The following DRC8 variants were observed in gnomAD, a reference collection of about 807,000 sequenced individuals.
The protein encoded by DRC8 is dynein regulatory complex subunit 8, also known as dynein regulatory complex protein 8.
the DRC8 span, among the ~76,000 whole-genome samples, chr1:244,978,295 A>C: frequency 6.6e-6 from 1 of 152,116 alleles, no homozygotes; most frequent in Non-Finnish European, 1.5e-5. Flanking sequence ...GAAATTCAAG[A>C]CCAGCCTGGC....
chr1:245,091,355 G>A, the DRC8 span: 1 of 152,352 alleles, frequency 6.6e-6, no homozygotes, highest in Non-Finnish European at 1.5e-5. Context: ...CCAGTGCGTC[G>A]ACCCAGGCAC....
chr1:245,064,768 T>C, the DRC8 span, among the ~76,000 whole-genome samples: 1 of 152,228 alleles, frequency 6.6e-6, no homozygotes, highest in Non-Finnish European at 1.5e-5. Flanking sequence ...ATGTTCCTGG[T>C]AATGCTATTG....
chr1:245,110,727 A>G, the DRC8 span, among the ~76,000 whole-genome samples: 1 of 152,366 alleles, frequency 6.6e-6, no homozygotes, highest in Non-Finnish European at 1.5e-5. Context: ...AGGCTCTGCA[A>G]TTTGGGACAT....
At chr1:245,098,005 TG>T in the DRC8 span, among the ~76,000 whole-genome samples, 1 of 152,162 alleles carries the variant, frequency 6.6e-6, no homozygotes, top group Non-Finnish European at 1.5e-5. Flanking sequence ...TGCCATTGAA[TG>T]GTGCTGAGCC....
chr1:245,077,148 T>C, the DRC8 span, among the ~76,000 whole-genome samples: 1 of 152,158 alleles, frequency 6.6e-6, no homozygotes, highest in Non-Finnish European at 1.5e-5. Flanking sequence ...TTAGTTATAA[T>C]GTTTGCTAGA....
chr1:245,070,630 C>A, the DRC8 span, among the ~76,000 whole-genome samples: 4 of 152,182 alleles, frequency 2.6e-5, no homozygotes, highest in Admixed American at 6.5e-5. Context: ...GTCATCCTTT[C>A]CCTGGGTCAT....
chr1:245,003,010 C>T, the DRC8 span, among the ~76,000 whole-genome samples: 6 of 152,176 alleles, frequency 3.9e-5, no homozygotes, highest in Non-Finnish European at 7.3e-5. Context: ...AGTTTGAGCA[C>T]TCTAGGTACT....
the DRC8 span, among the ~76,000 whole-genome samples, chr1:244,982,385 C>T: frequency 6.6e-6 from 1 of 152,204 alleles, no homozygotes; most frequent in Non-Finnish European, 1.5e-5. Context: ...AAGGTTCAGG[C>T]CGGGCTTGGT....
chr1:245,104,391 C>G, the DRC8 span, among the ~76,000 whole-genome samples: 1 of 151,940 alleles, frequency 6.6e-6, no homozygotes, highest in South Asian at 2.1e-4. Context: ...GTAATCCCAG[C>G]TACTCGGGCA....
At chr1:245,029,816 G>C in the DRC8 span, among the ~76,000 whole-genome samples, 837 of 151,352 alleles carry the variant, frequency 5.5e-3, 9 homozygotes, top group African/African-American at 0.019. Context: ...GGCTGGTCTC[G>C]AACTCCTGGC....
At chr1:245,062,353 T>C in the DRC8 span, among the ~76,000 whole-genome samples, 1 of 152,252 alleles carries the variant, frequency 6.6e-6, no homozygotes, top group Non-Finnish European at 1.5e-5. Context: ...CTGCAAATAC[T>C]TTCTGCCTTT....
the DRC8 span, among the ~76,000 whole-genome samples, chr1:245,047,313 C>G: frequency 6.6e-6 from 1 of 152,190 alleles, no homozygotes; most frequent in Admixed American, 6.5e-5. Flanking sequence ...TATTCTTACA[C>G]TAAAGTAAAC....
the DRC8 span, among the ~76,000 whole-genome samples, chr1:245,100,712 G>T: frequency 5.3e-5 from 8 of 151,720 alleles, no homozygotes; most frequent in Admixed American, 2.6e-4. Flanking sequence ...TCCTTGGGAG[G>T]TTGAGGCTGC....
At chr1:245,108,013 C>G in the DRC8 span, among the ~76,000 whole-genome samples, 1 of 152,162 alleles carries the variant, frequency 6.6e-6, no homozygotes, top group African/African-American at 2.4e-5. Context: ...CCTCCATGCT[C>G]TCCCCTTGAC....
At chr1:245,105,640 A>AC in the DRC8 span, among the ~76,000 whole-genome samples, 583 of 148,118 alleles carry the variant, frequency 3.9e-3, 4 homozygotes, top group African/African-American at 0.014. Context: ...AAAAAAAAAC[A>AC]AAAAACAAAA....
chr1:244,980,377 T>C, the DRC8 span, among the ~76,000 whole-genome samples: 3 of 151,928 alleles, frequency 2.0e-5, no homozygotes, highest in Non-Finnish European at 4.4e-5. Context: ...AATGAAAAAA[T>C]AAAAAATAAA....
At chr1:244,987,263 C>T in the DRC8 span, among the ~76,000 whole-genome samples, 260 of 151,098 alleles carry the variant, frequency 1.7e-3, 2 homozygotes, top group African/African-American at 5.7e-3. Flanking sequence ...TGCAATGGCG[C>T]GTTCTCAGCT....
At chr1:245,022,407 G>A in the DRC8 span, among the ~76,000 whole-genome samples, 8 of 151,206 alleles carry the variant, frequency 5.3e-5, no homozygotes, top group African/African-American at 1.9e-4. Flanking sequence ...CAAGTGACCC[G>A]CCCGCCTCAG....
chr1:245,038,690 G>C, the DRC8 span, among the ~76,000 whole-genome samples: 1 of 146,046 alleles, frequency 6.8e-6, no homozygotes, highest in East Asian at 1.9e-4. Flanking sequence ...ATATAAAATT[G>C]GGTCTGTACT....
Sources: allele counts gnomAD v4.1 joint callset (sites outside exome capture counted in the v4.1 genomes callset), GRCh38; gene constraint gnomAD v4.1.1; transcripts MANE v1.5; gene names NCBI Gene and HGNC (gene_info 2026-07-23, HGNC 2026-07-21).